Variants in OR7C1 observed in about 807,000 individuals in gnomAD.
OR7C1 encodes olfactory receptor 7C1.
For missense variants in OR7C1, 324 were observed against 383.3 expected, an observed-to-expected ratio of 0.85 and a Z score of 1.29; for synonymous variants, 152 against 160.7, an observed-to-expected ratio of 0.95 and a Z score of 0.41.
At chr19:14,831,752 T>TC (rs2044835474) in intron 1 of OR7C1, among the ~76,000 whole-genome samples, 2 of 143,916 alleles carry the variant, frequency 1.4e-5, no homozygotes, top group African/African-American at 2.8e-5. Context: ...CTATTTTATT[T>TC]TTTTTTTGCT....
chr19:14,831,924 G>C lies in OR7C1; in HGVS notation c.-623+3150C>G, dbSNP rs897984845. ...TTCTGTTGTATTCTATTTATTCATT[G>C]TTGAGATAGGGTCTTACTCTCTTGC... On this transcript the variant is annotated intron_variant, in intron 1 of 4. Transcript: ENST00000641666. 8.5e-5 allele frequency among the ~76,000 whole-genome samples: 13 copies of C among 152,150 alleles called. 1 individual carries two copies. In the South Asian group the frequency reaches 2.5e-3, roughly 29 times the overall value.
At chr19:14,802,548 T>C (rs1296381522) in intron 2 of OR7C1, among the ~76,000 whole-genome samples, 1 of 152,146 alleles carries the variant, frequency 6.6e-6, no homozygotes, top group African/African-American at 2.4e-5. Context: ...AAGATAATAA[T>C]TCCAATGGAC....
chr19:14,816,671 A>T (rs2044717765), intron 1 of OR7C1, among the ~76,000 whole-genome samples: 1 of 152,102 alleles, frequency 6.6e-6, no homozygotes, highest in South Asian at 2.1e-4. Flanking sequence ...CAGCTTGAAG[A>T]CGATCTATTG....
intron 1 of OR7C1, among the ~76,000 whole-genome samples, chr19:14,817,019 T>C (rs1338568895): frequency 6.6e-6 from 1 of 152,032 alleles, no homozygotes; most frequent in African/African-American, 2.4e-5. Flanking sequence ...AATGAGCAGA[T>C]ACAGGGAGCT....
chr19:14,827,582 C>T (rs2044782974), intron 1 of OR7C1: 2 of 1,614,002 alleles, frequency 1.2e-6, no homozygotes, highest in Non-Finnish European at 1.7e-6. Context: ...AAGAAATTAT[C>T]TTAGAGTAAG....
chr19:14,810,242 A>G (rs1318298255), intron 1 of OR7C1, among the ~76,000 whole-genome samples: 1 of 151,838 alleles, frequency 6.6e-6, no homozygotes, highest in Non-Finnish European at 1.5e-5. Flanking sequence ...CCAACACTGG[A>G]AATGACCCCT....
rs193174689 is a variant in OR7C1, at chr19:14,834,401, A to C, written c.-623+673T>G. 2.0e-5 allele frequency among the ~76,000 whole-genome samples: 3 copies of C among 152,348 alleles called. No individual in the cohort carries two copies. In the East Asian group the frequency reaches 5.8e-4, roughly 29 times the overall value. On this transcript the variant is annotated intron_variant, in intron 1 of 4. Coordinates refer to ENST00000641666, the Ensembl canonical transcript of OR7C1. ...TGGGCTAGATCACTCTCTTTGATAA[A>C]GTCTATCCTATACACTGTGAGTTGT...
chr19:14,814,795 A>G (rs1253980413), intron 1 of OR7C1, among the ~76,000 whole-genome samples: 1 of 152,066 alleles, frequency 6.6e-6, no homozygotes, highest in Non-Finnish European at 1.5e-5. Flanking sequence ...TTAAAACTTC[A>G]CTTCCAGCCA....
At chr19:14,834,300 A>G (rs1446783814) in intron 1 of OR7C1, among the ~76,000 whole-genome samples, 1 of 151,996 alleles carries the variant, frequency 6.6e-6, no homozygotes, top group African/African-American at 2.4e-5. Flanking sequence ...CAAACAAACA[A>G]CAAAACTCCA....
At chr19:14,823,334 CCCAGCTACTCGGGAGGCTGAGGCAA>C (rs1463733633) in intron 1 of OR7C1, among the ~76,000 whole-genome samples, 1 of 152,122 alleles carries the variant, frequency 6.6e-6, no homozygotes, top group African/African-American at 2.4e-5. Flanking sequence ...TGCCTGTAAT[CCCAGCTACTCGGGAGGCTGAGGCAA>C]AAGGATTGCT....
At chr19:14,814,838 T>A (rs995574266) in intron 1 of OR7C1, among the ~76,000 whole-genome samples, 1 of 152,212 alleles carries the variant, frequency 6.6e-6, no homozygotes, top group Non-Finnish European at 1.5e-5. Flanking sequence ...CACCTCGTTA[T>A]ACCCCTTCCT....
chr19:14,802,381 G>C lies in OR7C1; in HGVS notation c.-434-1617C>G, dbSNP rs905041433. ...CTAATAACACAAAAATGAGCTGGGC[G>C]TGGTGGCACACGCCTGTAATCCCAG... On this transcript the variant is annotated intron_variant, in intron 2 of 4. Transcript: ENST00000641666. Among the ~76,000 whole-genome samples the C allele has an allele frequency of 7.2e-5, 11 of 152,258 alleles. No homozygotes were observed. In the East Asian group the frequency reaches 2.1e-3, roughly 29 times the overall value.
intron 1 of OR7C1, among the ~76,000 whole-genome samples, chr19:14,821,951 T>A (rs754648810): frequency 2.0e-5 from 3 of 152,256 alleles, no homozygotes; most frequent in Non-Finnish European, 4.4e-5. Context: ...TGTACGAGTG[T>A]GCAGAATTTG....
rs2044631143 is a variant in OR7C1, at chr19:14,799,788, C to T, written c.349G>A (p.Val117Met). ...GCCACGAAGCGGTCATAGGCCATCA[C>T]GGTCAAGAGTAAATTGTCCAGGCAT... Residue 117 changes from valine (V) to methionine (M), a missense_variant, in exon 5 of 5, where the codon GTG becomes ATG. Transcript: ENST00000641666. 9.3e-6 allele frequency: 15 copies of T among 1,613,288 alleles called. No individual in the cohort carries two copies. The Admixed American group carries it at 1.0e-4, about 11-fold the overall frequency.
At chr19:14,829,672 C>T (rs184887778) in intron 1 of OR7C1, among the ~76,000 whole-genome samples, 2 of 152,200 alleles carry the variant, frequency 1.3e-5, no homozygotes, top group Non-Finnish European at 2.9e-5. Context: ...TGCTGTTGCA[C>T]CTGCACTTTA....
chr19:14,800,152 G>T lies in OR7C1; in HGVS notation c.-13-3C>A. 3 of 1,523,034 alleles carry T rather than the reference G, an allele frequency of 2.0e-6. No individual in the cohort carries two copies. Among genetic ancestry groups the T allele is most frequent in the Non-Finnish European group, 2.6e-6 (3 of 1,135,854 alleles). 94.3% of individuals were successfully genotyped at this position (1,523,034 alleles called of 1,614,324 possible). On this transcript the variant is annotated splice_region_variant and splice_polypyrimidine_tract_variant and intron_variant, in intron 4 of 4. Coordinates refer to ENST00000641666, the Ensembl canonical transcript of OR7C1. Reference sequence around the variant, plus strand: ...CTGTTTCCATGGGGATAAAATAACTGCCACAAGAGAGAAAAAAGCAACAGT... The same window carrying T: ...CTGTTTCCATGGGGATAAAATAACTTCCACAAGAGAGAAAAAAGCAACAGT...
At chr19:14,815,224 C>G (rs987066045) in intron 1 of OR7C1, among the ~76,000 whole-genome samples, 1 of 152,174 alleles carries the variant, frequency 6.6e-6, no homozygotes, top group Non-Finnish European at 1.5e-5. Context: ...CTGGCTCTGG[C>G]TCGTCTACAG....
intron 1 of OR7C1, among the ~76,000 whole-genome samples, chr19:14,813,144 A>G (rs551054017): frequency 6.6e-6 from 1 of 152,156 alleles, no homozygotes. Flanking sequence ...CTTCAAACCA[A>G]TATACCATAT....
intron 1 of OR7C1, among the ~76,000 whole-genome samples, chr19:14,813,552 A>C (rs1235070835): frequency 2.0e-5 from 3 of 151,970 alleles, no homozygotes; most frequent in African/African-American, 7.3e-5. Context: ...GAGACTCCGT[A>C]TCAAAAAAAA....
Sources: gnomAD v4.1 joint callset for allele counts (sites outside exome capture counted in the v4.1 genomes callset) on GRCh38, gnomAD v4.1.1 for gene constraint, MANE v1.5 for transcripts, NCBI Gene and HGNC (gene_info 2026-07-23, HGNC 2026-07-21) for gene names.